Variants in FOXP1 observed in about 807,000 individuals in gnomAD.
FOXP1 encodes the protein forkhead box P1.
A neutral mutation model predicts 98.2 loss-of-function variants in FOXP1; 15 were observed. The observed-to-expected ratio is 0.15, with a 90% CI of 0.10 to 0.24. The LOEUF is 0.24. Ranked by LOEUF, FOXP1 falls within the 10% of genes least tolerant of loss-of-function variation. FOXP1 has a pLI of 1.00. For missense variants in FOXP1, 633 were observed against 848.5 expected, an observed-to-expected ratio of 0.75 and a Z score of 3.15; for synonymous variants, 371 against 314.5, an observed-to-expected ratio of 1.18 and a Z score of -1.90.
intron 3 of FOXP1, among the ~76,000 whole-genome samples, chr3:71,405,861 TG>T (rs1380406396): frequency 6.6e-6 from 1 of 152,054 alleles, no homozygotes; most frequent in East Asian, 1.9e-4. Context: ...CCCAAGTAGC[TG>T]GGATTACAGG....
chr3:71,465,967 T>A (rs1360131180), intron 3 of FOXP1, among the ~76,000 whole-genome samples: 1 of 152,160 alleles, frequency 6.6e-6, no homozygotes, highest in Non-Finnish European at 1.5e-5. Context: ...AACAGTTTCA[T>A]CTGGAAACCA....
intron 2 of FOXP1, 51 bp downstream of exon 2, chr3:71,581,498 T>C: frequency 1.0e-6 from 1 of 985,438 alleles, no homozygotes; most frequent in Non-Finnish European, 1.2e-6. Context: ...TAGTGCCGCC[T>C]GGGGCTCTCC....
In FOXP1 at chr3:70,977,651, T is replaced by G. The variant is rs1322666714; in HGVS notation, c.1420A>C (p.Ile474Leu). ...CTGTGTTATTTACTTACCTGCCTAA[T>G]TAAAGATGCATATGTAAATGGTGGT... ...VRPPFTYASLIRQAILESPEK... is the reference protein window; with the variant it reads ...VRPPFTYASLLRQAILESPEK... Residue 474 changes from isoleucine (I) to leucine (L), a missense_variant, in exon 16 of 21, where the codon ATT (isoleucine) becomes CTT (leucine). Ile to Leu is a conservative substitution (Grantham distance 5, BLOSUM62 2). This residue lies in a region of FOXP1 where 141 missense variants were observed against 199.5 expected (regional missense o/e 0.71). Coordinates refer to ENST00000649528, the MANE Select transcript of FOXP1 (RefSeq NM_001349338.3). 6.2e-7 allele frequency: 1 copy of G among 1,612,662 alleles called. No individual in the cohort carries two copies.
At chr3:71,088,802 G>T (rs542270868) in intron 7 of FOXP1, among the ~76,000 whole-genome samples, 1 of 152,152 alleles carries the variant, frequency 6.6e-6, no homozygotes, top group Admixed American at 6.5e-5. Context: ...AGGGGGAAAC[G>T]CTGGAGGAAA....
At chr3:71,174,785 TACACACACACACACAC>T (rs3064896) in intron 6 of FOXP1, among the ~76,000 whole-genome samples, 12 of 131,678 alleles carry the variant, frequency 9.1e-5, no homozygotes, top group South Asian at 2.6e-4. Context: ...TGCACATGCA[TACACACACACACACAC>T]ACACACACAC....
At chr3:71,465,191 C>A (rs904500160) in intron 3 of FOXP1, among the ~76,000 whole-genome samples, 4 of 151,682 alleles carry the variant, frequency 2.6e-5, no homozygotes. Context: ...TCTGTAATCC[C>A]GGCTACTTGG....
At chr3:71,122,350 T>A (rs1325387971) in intron 6 of FOXP1, among the ~76,000 whole-genome samples, 1 of 151,880 alleles carries the variant, frequency 6.6e-6, no homozygotes, top group Non-Finnish European at 1.5e-5. Flanking sequence ...GAAACAGAAA[T>A]GGGAATATAG....
intron 5 of FOXP1, among the ~76,000 whole-genome samples, chr3:71,208,222 G>A (rs2064190556): frequency 6.6e-6 from 1 of 152,162 alleles, no homozygotes; most frequent in Admixed American, 6.5e-5. Context: ...TGACTGCCTT[G>A]TTCATAGTAC....
At chr3:71,423,509 C>T (rs189038674) in intron 3 of FOXP1, among the ~76,000 whole-genome samples, 15 of 152,346 alleles carry the variant, frequency 9.8e-5, no homozygotes, top group Admixed American at 8.5e-4. Context: ...TATAGGATAT[C>T]CGGGATTAGA....
intron 5 of FOXP1, among the ~76,000 whole-genome samples, chr3:71,200,189 C>T (rs2063582606): frequency 6.6e-6 from 1 of 151,730 alleles, no homozygotes; most frequent in Admixed American, 6.6e-5. Context: ...CCCAGAGAGC[C>T]GATTCAGCAC....
At chr3:71,415,686 T>A (rs1430085933) in intron 3 of FOXP1, among the ~76,000 whole-genome samples, 1 of 150,350 alleles carries the variant, frequency 6.7e-6, no homozygotes, top group Non-Finnish European at 1.5e-5. Context: ...AGAACATAAC[T>A]CAATCATTAG....
In FOXP1 at chr3:71,371,648, A is replaced by G. The variant is rs111958811; in HGVS notation, c.-167-12404T>C. On this transcript the variant is annotated intron_variant, in intron 3 of 20. Transcript: ENST00000649528. The stretch of plus-strand genomic sequence containing the variant: ...AAAAAATTTAAAAAATTACGCAGGC[A>G]TGGTGGCACACCCACCTGTGGTCCT... Among the ~76,000 whole-genome samples the G allele has an allele frequency of 3.6e-3, 544 of 152,332 alleles. 5 individuals carry two copies. Among genetic ancestry groups the G allele is most frequent in the African/African-American group, 0.012 (500 of 41,580 alleles).
chr3:71,360,801 AC>A (rs2078508014), intron 3 of FOXP1: 1 of 152,200 alleles, frequency 6.6e-6, no homozygotes, highest in Non-Finnish European at 1.5e-5. Context: ...CATGTTTTTA[AC>A]CTACTCAGAT....
At chr3:71,214,724 A>G (rs565573737) in intron 5 of FOXP1, among the ~76,000 whole-genome samples, 43 of 152,162 alleles carry the variant, frequency 2.8e-4, no homozygotes, top group Non-Finnish European at 4.9e-4. Flanking sequence ...GCCATTGTTG[A>G]TCACGTTCTC....
intron 5 of FOXP1, among the ~76,000 whole-genome samples, chr3:71,268,521 C>A (rs1242877991): frequency 1.3e-5 from 2 of 152,080 alleles, no homozygotes; most frequent in Non-Finnish European, 2.9e-5. Flanking sequence ...AGGGGCGATA[C>A]TGAGGGGAAA....
intron 4 of FOXP1, among the ~76,000 whole-genome samples, chr3:71,348,518 T>TGC (rs1331451986): frequency 1.3e-4 from 4 of 30,756 alleles, no homozygotes; most frequent in Non-Finnish European, 2.7e-4. Context: ...TGTGTGTGTG[T>TGC]GTGCGTGTGT....
At chr3:71,548,723 C>T (rs1227094187) in intron 2 of FOXP1, among the ~76,000 whole-genome samples, 1 of 152,056 alleles carries the variant, frequency 6.6e-6, no homozygotes, top group African/African-American at 2.4e-5. Context: ...TTTATTCCTT[C>T]CTCTCTATTC....
chr3:71,334,960 C>T lies in FOXP1; in HGVS notation c.-73+24190G>A, dbSNP rs575647342. ...ATGTCCTGAAAATGCAAATCTAATA[C>T]AACTATCAAAAAATAATGCAAAGAG... On this transcript the variant is annotated intron_variant, in intron 4 of 20. Transcript: ENST00000649528. The T allele has an allele frequency of 2.0e-5, 3 of 152,182 alleles. No individual in the cohort carries two copies. In the South Asian group the frequency reaches 6.2e-4, roughly 32 times the overall value. The allele number at this position is 152,182 out of a possible 1,614,324, so 9.4% of individuals were successfully genotyped here.
intron 4 of FOXP1, among the ~76,000 whole-genome samples, chr3:71,344,152 C>A (rs1044968376): frequency 3.3e-5 from 5 of 152,152 alleles, no homozygotes; most frequent in Admixed American, 2.0e-4. Flanking sequence ...CATATCAGTA[C>A]TAAGAATGTT....
Sources: allele counts gnomAD v4.1 joint callset (sites outside exome capture counted in the v4.1 genomes callset), GRCh38; gene constraint gnomAD v4.1.1; regional missense constraint gnomAD v4.1.1; transcripts MANE v1.5; gene names NCBI Gene and HGNC (gene_info 2026-07-23, HGNC 2026-07-21).